The following LONP2 variants were observed in gnomAD, a reference collection of about 807,000 sequenced individuals.
LONP2 encodes lon protease homolog 2, peroxisomal.
Under a neutral mutation model 85.6 loss-of-function variants are expected in LONP2, and 60 were observed. The ratio of observed to expected loss-of-function variants is 0.70; its 90% CI spans 0.57 to 0.87. The LOEUF (loss-of-function observed/expected upper bound fraction) is 0.87, where lower values mean the gene tolerates loss of function less well. Ranked by LOEUF, LONP2 falls within the 40% of genes least tolerant of loss-of-function variation. The pLI is 0.00. For synonymous variants in LONP2, 395 were observed against 389.7 expected, an observed-to-expected ratio of 1.01 and a Z score of -0.16; for missense variants, 860 against 1,063.5, an observed-to-expected ratio of 0.81 and a Z score of 2.66.
chr16:48,331,092 A>C (rs1378446522), intron 11 of LONP2, among the ~76,000 whole-genome samples: 1 of 152,258 alleles, frequency 6.6e-6, no homozygotes, highest in Non-Finnish European at 1.5e-5. Context: ...CAGACTAGAG[A>C]AACTTGTAAG....
downstream of LONP2, chr16:48,361,959 G>C: frequency 6.2e-7 from 1 of 1,614,156 alleles, no homozygotes; most frequent in African/African-American, 1.3e-5. Context: ...TCCCTGTAGG[G>C]TTGTAATGGA....
At chr16:48,290,296 T>C (rs2150991150) in intron 8 of LONP2, among the ~76,000 whole-genome samples, 1 of 152,322 alleles carries the variant, frequency 6.6e-6, no homozygotes, top group Admixed American at 6.5e-5. Flanking sequence ...TTTCTCCTAC[T>C]GCACTCTCAC....
At position 48,334,224 on chromosome 16, in the gene LONP2, G is replaced by A. The variant is rs1318487809; in HGVS notation, c.1804G>A (p.Glu602Lys). 3 of 1,613,792 alleles carry A rather than the reference G, an allele frequency of 1.9e-6. No homozygotes were observed. The highest frequency in any genetic ancestry group is 1.1e-5 in the South Asian group (1 of 91,048). Residue 602 changes from glutamate to lysine, a missense_variant, in exon 12 of 15, where the codon GAA becomes AAA. Coordinates refer to ENST00000285737, the MANE Select transcript of LONP2 (RefSeq NM_031490.5). ...ATTTTTTTTTCTTTTAGGTTGCAGAGAACACATCTTAGAAGATGAAAAACC... is the reference window on the plus strand; with the variant it reads ...ATTTTTTTTTCTTTTAGGTTGCAGAAAACACATCTTAGAAGATGAAAAACC... ...SDVTEREGCR[E>K]HILEDEKPES...
intron 11 of LONP2, among the ~76,000 whole-genome samples, chr16:48,311,839 C>T (rs1973037562): frequency 6.6e-6 from 1 of 152,038 alleles, no homozygotes; most frequent in South Asian, 2.1e-4. Flanking sequence ...CCAGGCTAGT[C>T]TTGAACTCCT....
At chr16:48,287,523 A>G (rs897823648) in intron 8 of LONP2, among the ~76,000 whole-genome samples, 2 of 152,236 alleles carry the variant, frequency 1.3e-5, no homozygotes, top group African/African-American at 2.4e-5. Flanking sequence ...AGTTAAGTCA[A>G]ATAAGGATAT....
At chr16:48,292,384 G>T (rs1369297714) in intron 8 of LONP2, among the ~76,000 whole-genome samples, 3 of 152,134 alleles carry the variant, frequency 2.0e-5, no homozygotes, top group African/African-American at 7.2e-5. Context: ...TGTCTTTGTA[G>T]CTATCTTATT....
intron 11 of LONP2, among the ~76,000 whole-genome samples, chr16:48,329,020 AG>A (rs1305055175): frequency 6.6e-6 from 1 of 152,192 alleles, no homozygotes; most frequent in Admixed American, 6.5e-5. Context: ...CTAGGCCACT[AG>A]GTGGTAATCT....
chr16:48,324,714 C>A (rs554952030), intron 11 of LONP2, among the ~76,000 whole-genome samples: 1 of 152,090 alleles, frequency 6.6e-6, no homozygotes, highest in Non-Finnish European at 1.5e-5. Flanking sequence ...TGGTAAGGCC[C>A]TATGACGAAT....
At chr16:48,346,998 A>G (rs1747468134) in intron 12 of LONP2, among the ~76,000 whole-genome samples, 1 of 151,966 alleles carries the variant, frequency 6.6e-6, no homozygotes, top group South Asian at 2.1e-4. Flanking sequence ...AAAAAATACA[A>G]AAATTAGCGG....
chr16:48,337,042 C>T (rs987776792), intron 12 of LONP2, among the ~76,000 whole-genome samples: 2 of 152,102 alleles, frequency 1.3e-5, no homozygotes, highest in African/African-American at 2.4e-5. Context: ...CTTTCTTGTC[C>T]GTGAGGGCTG....
intron 3 of LONP2, 135 bp downstream of exon 3, chr16:48,256,876 C>A: frequency 1.3e-6 from 1 of 758,500 alleles, no homozygotes; most frequent in Non-Finnish European, 2.0e-6. Context: ...TACATTTAAA[C>A]TGACTTTCAA....
chr16:48,283,705 A>G (rs1237551480), intron 8 of LONP2, among the ~76,000 whole-genome samples: 5 of 152,186 alleles, frequency 3.3e-5, no homozygotes, highest in Non-Finnish European at 4.4e-5. Context: ...TGTGATGGAG[A>G]TGTACAAGGA....
intron 7 of LONP2, among the ~76,000 whole-genome samples, chr16:48,271,933 TC>T (rs2150978303): frequency 6.6e-6 from 1 of 152,280 alleles, no homozygotes; most frequent in Non-Finnish European, 1.5e-5. Context: ...TGGACCAAAC[TC>T]AAAGAAGCTG....
intron 2 of LONP2, among the ~76,000 whole-genome samples, chr16:48,253,423 T>C (rs1440908573): frequency 1.3e-5 from 2 of 151,618 alleles, no homozygotes; most frequent in African/African-American, 4.9e-5. Context: ...TGAGCCAAGA[T>C]TGCATCACTG....
At chr16:48,340,410 A>C (rs1959778130) in intron 12 of LONP2, among the ~76,000 whole-genome samples, 1 of 152,178 alleles carries the variant, frequency 6.6e-6, no homozygotes, top group Non-Finnish European at 1.5e-5. Context: ...ACCCCCAATC[A>C]CCAAAAAATC....
intron 1 of LONP2, among the ~76,000 whole-genome samples, chr16:48,246,533 A>G (rs1348415317): frequency 5.9e-5 from 9 of 152,134 alleles, no homozygotes; most frequent in African/African-American, 2.2e-4. Context: ...ATTTGTTGGT[A>G]TTATTCTGGC....
chr16:48,324,974 A>G (rs764047076), intron 11 of LONP2, among the ~76,000 whole-genome samples: 6 of 152,194 alleles, frequency 3.9e-5, no homozygotes, highest in Non-Finnish European at 8.8e-5. Flanking sequence ...TTTGAAATAT[A>G]CAATACTGTT....
chr16:48,270,445 G>A (rs1021719902), intron 7 of LONP2, among the ~76,000 whole-genome samples, 171 bp downstream of exon 7: 6 of 152,174 alleles, frequency 3.9e-5, no homozygotes, highest in Non-Finnish European at 7.3e-5. Flanking sequence ...GCCTCTAAGC[G>A]TAATGATAAA....
At chr16:48,251,906 A>T (rs760455155) in intron 1 of LONP2, among the ~76,000 whole-genome samples, 4 of 152,188 alleles carry the variant, frequency 2.6e-5, no homozygotes, top group Non-Finnish European at 4.4e-5. Flanking sequence ...CTAATTTTTT[A>T]AAAGAGGTGC....
Sources: allele counts gnomAD v4.1 joint callset (sites outside exome capture counted in the v4.1 genomes callset), GRCh38; gene constraint gnomAD v4.1.1; transcripts MANE v1.5; gene names NCBI Gene and HGNC (gene_info 2026-07-23, HGNC 2026-07-21).